Variants in ACP7 observed in about 807,000 individuals in gnomAD.
ACP7 encodes acid phosphatase type 7.
A neutral mutation model predicts 60.6 loss-of-function variants in ACP7; 58 were observed. That is an observed-to-expected ratio of 0.96 (90% CI 0.77 to 1.19). ACP7 has a LOEUF of 1.19. Ranked by LOEUF, ACP7 falls within the 50% of genes most tolerant of loss-of-function variation. ACP7 has a pLI of 0.00. For missense variants in ACP7, 574 were observed against 596.2 expected (o/e 0.96, Z 0.39); for synonymous variants, 237 against 232.6 (o/e 1.02, Z -0.17).
chr19:39,103,931 T>G (rs1010502059), intron 11 of ACP7, among the ~76,000 whole-genome samples: 1 of 151,300 alleles, frequency 6.6e-6, no homozygotes, highest in Non-Finnish European at 1.5e-5. Context: ...CAAAGCTGCT[T>G]CTTACAAATG....
chr19:39,093,179 C>CTTCCTTCT (rs1261401381), intron 2 of ACP7, among the ~76,000 whole-genome samples: 1,131 of 48,656 alleles, frequency 0.023, 127 homozygotes, highest in African/African-American at 0.11. Flanking sequence ...TCTCTCCTTC[C>CTTCCTTCT]TTCCTTCCTT....
At chr19:39,096,086 A>G (rs1600259561) in intron 2 of ACP7, among the ~76,000 whole-genome samples, 2 of 152,018 alleles carry the variant, frequency 1.3e-5, no homozygotes, top group South Asian at 4.1e-4. Context: ...CCCTGGAGAT[A>G]TTTTCCCCAT....
chr19:39,087,027 G>T (rs2073150534), intron 2 of ACP7, among the ~76,000 whole-genome samples: 1 of 151,852 alleles, frequency 6.6e-6, no homozygotes, highest in South Asian at 2.1e-4. Flanking sequence ...ATTTATTTTT[G>T]AGACAGGGTC....
chr19:39,103,083 C>T (rs948463372), intron 11 of ACP7, among the ~76,000 whole-genome samples: 1 of 152,006 alleles, frequency 6.6e-6, no homozygotes, highest in Non-Finnish European at 1.5e-5. Context: ...GGTGATCAGC[C>T]CACCTCGGCC....
Position 39,107,051 on chromosome 19 carries a change from C to T in ACP7, c.1218C>T (p.Thr406=), listed in dbSNP as rs748871321. The T allele has an allele frequency of 3.1e-6, 5 of 1,614,026 alleles. No homozygotes were observed. In the South Asian group the frequency reaches 5.5e-5, roughly 18 times the overall value. ...CGCGGCTGCACATCCTCAACGGGAC[C>T]CACATCCACATCCAGCAGGTGTCGG... ...GYTRLHILNG[T]HIHIQQVSDD... The change falls in exon 12 of 13, where the codon ACC becomes ACT. Residue 406 remains threonine (T), a synonymous_variant. Transcript: ENST00000331256.
intron 2 of ACP7, among the ~76,000 whole-genome samples, chr19:39,093,267 T>TCTTTCCTTCCTTCCTTC (rs2073231067): frequency 6.7e-6 from 1 of 150,204 alleles, no homozygotes; most frequent in African/African-American, 2.5e-5. Context: ...TTTCTTTTTT[T>TCTTTCCTTCCTTCCTTC]CGAGACGGGG....
Position 39,101,518 on chromosome 19 carries a change from A to G in ACP7, c.1094A>G (p.His365Arg). 1 of 1,614,064 alleles carries G rather than the reference A, an allele frequency of 6.2e-7. No homozygotes were observed. The change falls in exon 11 of 13, where the codon CAC becomes CGC. Residue 365 changes from histidine (H) to arginine (R), a missense_variant. Transcript: ENST00000331256. Reference sequence around the variant, plus strand: ...TACACCAACCCGCGAGGGCCTGTCCACATCATCACAGGATCTGCTGTGAGC... The same window carrying G: ...TACACCAACCCGCGAGGGCCTGTCCGCATCATCACAGGATCTGCTGTGAGC... ...MPYTNPRGPVHIITGSAGCEE... is the reference protein window; with the variant it reads ...MPYTNPRGPVRIITGSAGCEE...
At chr19:39,102,818 C>T (rs2073370226) in intron 11 of ACP7, among the ~76,000 whole-genome samples, 1 of 142,994 alleles carries the variant, frequency 7.0e-6, no homozygotes, top group Non-Finnish European at 1.5e-5. Flanking sequence ...TTCTTCCTCC[C>T]TCCCTTCCTT....
At chr19:39,101,423 C>T (rs2145018351) in intron 10 of ACP7, 43 bp from the exon 11 acceptor site, 1 of 1,613,270 alleles carries the variant, frequency 6.2e-7, no homozygotes, top group African/African-American at 1.3e-5. Flanking sequence ...CCAGGCATGG[C>T]CTCGAGTGAC....
intron 2 of ACP7, among the ~76,000 whole-genome samples, chr19:39,090,615 C>T (rs568387910): frequency 1.9e-4 from 29 of 151,918 alleles, no homozygotes; most frequent in Admixed American, 5.3e-4. Context: ...TCTTGAGTAG[C>T]TGGGACTACA....
chr19:39,087,565 A>T (rs2144959720), intron 2 of ACP7, among the ~76,000 whole-genome samples: 1 of 151,516 alleles, frequency 6.6e-6, no homozygotes, highest in South Asian at 2.1e-4. Flanking sequence ...GACTCAAGCG[A>T]TCCTCCCACC....
chr19:39,091,291 T>C (rs1011788202), intron 2 of ACP7, among the ~76,000 whole-genome samples: 3 of 151,928 alleles, frequency 2.0e-5, no homozygotes, highest in African/African-American at 7.3e-5. Context: ...GCCTCCCAAG[T>C]AGCTGGGACT....
intron 12 of ACP7, among the ~76,000 whole-genome samples, chr19:39,108,952 C>G (rs930884138): frequency 4.6e-5 from 7 of 152,144 alleles, no homozygotes; most frequent in Non-Finnish European, 7.4e-5. Flanking sequence ...TCCCGAGTAG[C>G]TGGGATTACA....
At chr19:39,102,897 G>C (rs1026683415) in intron 11 of ACP7, among the ~76,000 whole-genome samples, 2 of 150,718 alleles carry the variant, frequency 1.3e-5, no homozygotes, top group African/African-American at 4.9e-5. Flanking sequence ...GAGTGCAGTG[G>C]CACGATCTCG....
At chr19:39,107,195 C>T in intron 12 of ACP7, 111 bp downstream of exon 12, 1 of 1,192,146 alleles carries the variant, frequency 8.4e-7, no homozygotes, top group South Asian at 2.8e-5. Flanking sequence ...GCCTGCAACA[C>T]CTGCAATTTG....
At chr19:39,102,780 T>TC (rs1491556328) in intron 11 of ACP7, among the ~76,000 whole-genome samples, 15 of 111,470 alleles carry the variant, frequency 1.3e-4, no homozygotes, top group African/African-American at 3.1e-4. Flanking sequence ...TCTCTCTCTC[T>TC]TTCTCTCTCT....
Position 39,099,138 on chromosome 19 carries a change from T to C in ACP7, c.501T>C (p.His167=), listed in dbSNP as rs373822919. The C allele has an allele frequency of 2.0e-5, 30 of 1,526,276 alleles. No homozygotes were observed. Among genetic ancestry groups the C allele is most frequent in the Admixed American group, 1.7e-4 (8 of 47,628 alleles). 94.5% of individuals were successfully genotyped at this position (1,526,276 alleles called of 1,614,324 possible). The part of the protein sequence containing the change: ...TQQGMYDAVL[H]VGDFAYNLDQ... ...AGGGCATGTATGACGCCGTTCTCCATGTGGGTGAGGCATCCGCAGGGGCGC... is the reference window on the plus strand; with the variant it reads ...AGGGCATGTATGACGCCGTTCTCCACGTGGGTGAGGCATCCGCAGGGGCGC... Residue 167 remains histidine, a synonymous_variant, in exon 4 of 13, where the codon CAT becomes CAC. Coordinates refer to ENST00000331256, the MANE Select transcript of ACP7 (RefSeq NM_001004318.3).
chr19:39,109,944 G>A, intron 12 of ACP7, 109 bp from the exon 13 acceptor site: 1 of 1,108,346 alleles, frequency 9.0e-7, no homozygotes, highest in Non-Finnish European at 1.3e-6. Context: ...CACTTGCTCA[G>A]GGTTGTACAG....
chr19:39,092,970 G>T (rs1247546213), intron 2 of ACP7, among the ~76,000 whole-genome samples: 1 of 151,632 alleles, frequency 6.6e-6, no homozygotes, highest in Non-Finnish European at 1.5e-5. Flanking sequence ...TAGAGATGGG[G>T]TTTCACTATG....
Sources: allele counts gnomAD v4.1 joint callset (sites outside exome capture counted in the v4.1 genomes callset), GRCh38; gene constraint gnomAD v4.1.1; transcripts MANE v1.5; gene names NCBI Gene and HGNC (gene_info 2026-07-23, HGNC 2026-07-21).